The following CMTM2 variants were observed in gnomAD, a reference collection of about 807,000 sequenced individuals.
CMTM2 encodes the protein CKLF like MARVEL transmembrane domain containing 2, also known as CKLF-like MARVEL transmembrane domain-containing protein 2.
Under a neutral mutation model 16.8 loss-of-function variants are expected in CMTM2, and 15 were observed. The ratio of observed to expected loss-of-function variants is 0.89; its 90% CI spans 0.60 to 1.37. The LOEUF is 1.37. CMTM2 is among the 40% of genes most tolerant of loss of function. The probability of loss-of-function intolerance (pLI) is 0.00; values close to 1 mark genes in which losing one functional copy is unlikely to be tolerated. For synonymous variants in CMTM2, 117 were observed against 118.7 expected (o/e 0.99, Z 0.09); for missense variants, 282 against 318.0 (o/e 0.89, Z 0.86).
chr16:66,579,679 C>G lies in CMTM2; in HGVS notation c.72C>G (p.Pro24=). The change falls in exon 1 of 4, where the codon CCC becomes CCG. Residue 24 remains proline (P), a synonymous_variant. Transcript: ENST00000268595. The surrounding 1 kb of genome is among the most constrained non-coding windows in gnomAD (Gnocchi z 6.5). The stretch of plus-strand genomic sequence containing the variant: ...CTCCACCTCCACCCGGGGCCAAACC[C>G]GAGGAAGACAAGAAGGACGGTAAGG... ...APAPPPPGAK[P]EEDKKDGKEP... 6.2e-7 allele frequency: 1 copy of G among 1,613,748 alleles called. No homozygotes were observed. The highest frequency in any genetic ancestry group is 1.1e-5 in the South Asian group (1 of 91,068).
rs1234780870 is a variant in CMTM2 at position 66,579,999 on chromosome 16, G to A, written c.286-27G>A. On this transcript the variant is annotated intron_variant, in intron 1 of 3. Transcript: ENST00000268595. This position sits in a 1 kb window ranked among gnomAD's most constrained non-coding sequence, Gnocchi z 6.5. ...GAGATGGTGAAAGGCCCTTGCTGCT[G>A]GCTCAGGTGTCTATGTCTCACTGCA... The A allele has an allele frequency of 3.1e-6, 5 of 1,613,864 alleles. No homozygotes were observed. In the South Asian group the frequency reaches 3.3e-5, roughly 11 times the overall value.
chr16:66,582,732 G>C (rs1381862811), intron 2 of CMTM2, among the ~76,000 whole-genome samples: 1 of 151,902 alleles, frequency 6.6e-6, no homozygotes, highest in Non-Finnish European at 1.5e-5. Flanking sequence ...CAAGAAGCCA[G>C]GCACAGTGAT....
rs770666480 is a variant in CMTM2, at chr16:66,579,727, G to A, written c.120G>A (p.Lys40=). Residue 40 remains lysine, a synonymous_variant, in exon 1 of 4, where the codon AAG becomes AAA. Transcript: ENST00000268595. The surrounding 1 kb of genome is among the most constrained non-coding windows in gnomAD (Gnocchi z 6.5). ...DGKEPSDKPQ[K]AVQDHKEPSD... ...AGGAGCCATCGGACAAACCTCAAAA[G>A]GCGGTGCAGGACCATAAGGAGCCAT... 2 of 1,613,492 alleles carry A rather than the reference G, an allele frequency of 1.2e-6. No individual in the cohort carries two copies. The highest frequency in any genetic ancestry group is 8.5e-7 in the Non-Finnish European group (1 of 1,179,664).
At chr16:66,583,075 T>C (rs565483584) in intron 2 of CMTM2, among the ~76,000 whole-genome samples, 7 of 151,812 alleles carry the variant, frequency 4.6e-5, no homozygotes, top group Non-Finnish European at 8.8e-5. Context: ...TCTAATAGAA[T>C]TATCTACACA....
In CMTM2 at chr16:66,579,507, T is replaced by C; in HGVS notation, c.-101T>C. Reference sequence around the variant, plus strand: ...TAGCTGAGCACGCCCTCTGAGCCGCTCGGTGGACACCAGGCACTCTAGTAG... The same window carrying C: ...TAGCTGAGCACGCCCTCTGAGCCGCCCGGTGGACACCAGGCACTCTAGTAG... On this transcript the variant is annotated 5_prime_UTR_variant, in exon 1 of 4. Transcript: ENST00000268595. The surrounding 1 kb of genome is among the most constrained non-coding windows in gnomAD (Gnocchi z 6.5). The C allele has an allele frequency of 6.8e-7, 1 of 1,461,742 alleles. No individual in the cohort carries two copies. Among genetic ancestry groups the C allele is most frequent in the Non-Finnish European group, 9.3e-7 (1 of 1,078,002 alleles). 90.5% of individuals were successfully genotyped at this position (1,461,742 alleles called of 1,614,324 possible). A position where few individuals can be genotyped will look rare whatever the true frequency, so the allele number is the denominator to read the frequency against.
intron 2 of CMTM2, among the ~76,000 whole-genome samples, chr16:66,585,707 A>T (rs967974177): frequency 6.6e-6 from 1 of 152,168 alleles, no homozygotes. Flanking sequence ...CCTAAAGGGG[A>T]CGTTGGCAAG....
intron 2 of CMTM2, chr16:66,580,744 T>C (rs1389108308): frequency 6.5e-6 from 1 of 153,504 alleles, no homozygotes; most frequent in Non-Finnish European, 1.4e-5. Context: ...GGCAAGTTAC[T>C]AAACCATTCC....
Position 66,580,201 on chromosome 16 carries a change from G to A in CMTM2, c.444+17G>A, listed in dbSNP as rs1233685448. 9 of 1,613,594 alleles carry A rather than the reference G, an allele frequency of 5.6e-6. No homozygotes were observed. In the Admixed American group the frequency reaches 8.3e-5, roughly 15 times the overall value. On this transcript the variant is annotated intron_variant, in intron 2 of 3. Coordinates refer to ENST00000268595, the MANE Select transcript of CMTM2 (RefSeq NM_144673.3). ...CCCATTTCTGTAAGTAAGGGGTGAT[G>A]GGGAGTGCCTGCATCCAGAATGCTG...
intron 2 of CMTM2, among the ~76,000 whole-genome samples, chr16:66,581,117 A>C (rs1424108234): frequency 6.6e-6 from 1 of 152,026 alleles, no homozygotes; most frequent in East Asian, 1.9e-4. Flanking sequence ...TTATGAGTAC[A>C]TTTCATCCTG....
chr16:66,583,489 CA>C (rs966751918), intron 2 of CMTM2, among the ~76,000 whole-genome samples: 309 of 135,768 alleles, frequency 2.3e-3, no homozygotes, highest in African/African-American at 3.6e-3. Context: ...GAGACTGTCT[CA>C]AAAAAAAAAA....
At chr16:66,582,694 C>T (rs980476826) in intron 2 of CMTM2, among the ~76,000 whole-genome samples, 6 of 151,122 alleles carry the variant, frequency 4.0e-5, no homozygotes, top group Middle Eastern at 6.8e-3. Context: ...AGAGTGAGAC[C>T]CTGTCTAAAA....
intron 2 of CMTM2, among the ~76,000 whole-genome samples, chr16:66,581,098 A>G (rs1027149001): frequency 1.3e-5 from 2 of 151,986 alleles, no homozygotes; most frequent in African/African-American, 4.8e-5. Flanking sequence ...AAAAGCTTCA[A>G]ACTTAGCTTT....
intron 2 of CMTM2, among the ~76,000 whole-genome samples, chr16:66,585,309 G>T (rs1404469844): frequency 2.0e-5 from 3 of 152,066 alleles, no homozygotes; most frequent in Non-Finnish European, 4.4e-5. Flanking sequence ...AGGCTGAGGT[G>T]GGGAGGATCA....
chr16:66,582,755 T>C (rs1435906042), intron 2 of CMTM2, among the ~76,000 whole-genome samples: 1 of 152,066 alleles, frequency 6.6e-6, no homozygotes, highest in African/African-American at 2.4e-5. Flanking sequence ...GTGCCTGTAG[T>C]CCCAGCTTCT....
intron 2 of CMTM2, among the ~76,000 whole-genome samples, chr16:66,585,310 GGGA>G (rs1396724568): frequency 2.0e-5 from 3 of 151,966 alleles, no homozygotes; most frequent in Non-Finnish European, 4.4e-5. Context: ...GGCTGAGGTG[GGGA>G]GGATCACTTG....
At chr16:66,581,668 A>G (rs2144702492) in intron 2 of CMTM2, among the ~76,000 whole-genome samples, 1 of 152,354 alleles carries the variant, frequency 6.6e-6, no homozygotes, top group South Asian at 2.1e-4. Context: ...GAAAAGATGG[A>G]CAAAGACACA....
chr16:66,582,636 A>G (rs781655901), intron 2 of CMTM2, among the ~76,000 whole-genome samples: 2 of 152,210 alleles, frequency 1.3e-5, no homozygotes, highest in Non-Finnish European at 2.9e-5. Context: ...CAGGAGGTCA[A>G]GGCTACAGAG....
At position 66,580,241 on chromosome 16, in the gene CMTM2, G is replaced by T; in HGVS notation, c.444+57G>T. The T allele has an allele frequency of 1.9e-6, 3 of 1,581,876 alleles. No homozygotes were observed. In the Admixed American group the frequency reaches 5.0e-5, roughly 27 times the overall value. ...CCAGAATGCTGATCAGGTGTGTCTT[G>T]GCACCTGGAAAGTCACCAAACAGAG... On this transcript the variant is annotated intron_variant, in intron 2 of 3. Transcript: ENST00000268595.
intron 1 of CMTM2, 22 bp from the exon 2 acceptor site, chr16:66,580,004 A>T (rs1159464636): frequency 1.2e-6 from 2 of 1,614,048 alleles, no homozygotes; most frequent in East Asian, 4.5e-5. Context: ...CTGCTGGCTC[A>T]GGTGTCTATG....
Sources: allele counts gnomAD v4.1 joint callset (sites outside exome capture counted in the v4.1 genomes callset), GRCh38; gene constraint gnomAD v4.1.1; non-coding constraint Gnocchi (gnomAD v3.1); transcripts MANE v1.5; gene names NCBI Gene and HGNC (gene_info 2026-07-23, HGNC 2026-07-21).